CD276: variants seen among roughly 807,000 people sequenced by gnomAD.
CD276 encodes CD276 molecule.
In CD276, 34 loss-of-function variants were observed where a neutral mutation model predicts 50.0. The observed-to-expected ratio is 0.68, with a 90% CI of 0.52 to 0.91. CD276 has a LOEUF of 0.91. CD276 is among the 40% of genes least tolerant of loss of function. The pLI is 0.00. For missense variants in CD276, 634 were observed against 717.5 expected, an observed-to-expected ratio of 0.88 and a Z score of 1.33; for synonymous variants, 275 against 313.0, an observed-to-expected ratio of 0.88 and a Z score of 1.28.
intron 1 of CD276, among the ~76,000 whole-genome samples, chr15:73,696,447 C>T (rs893397303): frequency 3.3e-5 from 5 of 152,178 alleles, no homozygotes; most frequent in Non-Finnish European, 5.9e-5. Context: ...CAGCTGTCAG[C>T]GTAGGGGTCT....
chr15:73,684,675 C>T (rs901158005), intron 1 of CD276: 1 of 152,236 alleles, frequency 6.6e-6, no homozygotes, highest in Non-Finnish European at 1.5e-5. Context: ...CCCCTCCTGC[C>T]CTGGGCTGTG....
intron 8 of CD276, 25 bp from the exon 9 acceptor site, chr15:73,711,110 C>T (rs375896151): frequency 8.7e-6 from 14 of 1,613,704 alleles, no homozygotes; most frequent in African/African-American, 8.0e-5. Flanking sequence ...CCTCCCTCAC[C>T]GTGTGCGCCT....
intron 1 of CD276, among the ~76,000 whole-genome samples, chr15:73,696,932 T>G (rs886539802): frequency 1.3e-5 from 2 of 151,362 alleles, no homozygotes; most frequent in Non-Finnish European, 2.9e-5. Flanking sequence ...GGGTGGGAGA[T>G]GGAAGCTTGA....
chr15:73,708,264 T>G, intron 6 of CD276, 75 bp from the exon 7 acceptor site: 1 of 1,554,352 alleles, frequency 6.4e-7, no homozygotes, highest in Non-Finnish European at 8.8e-7. Flanking sequence ...CTGTTCACAC[T>G]TGGAGCCAAT....
At chr15:73,706,721 A>T (rs1455510479) in intron 6 of CD276, among the ~76,000 whole-genome samples, 1 of 152,202 alleles carries the variant, frequency 6.6e-6, no homozygotes, top group Non-Finnish European at 1.5e-5. Flanking sequence ...TCTCTCCCGT[A>T]CCTGATGAAG....
chr15:73,701,673 A>G (rs1162738061), intron 2 of CD276, among the ~76,000 whole-genome samples: 1 of 152,228 alleles, frequency 6.6e-6, no homozygotes, highest in Non-Finnish European at 1.5e-5. Context: ...TCACCACCAT[A>G]TTTAAAGGTA....
intron 2 of CD276, among the ~76,000 whole-genome samples, chr15:73,699,983 C>A (rs1380813301): frequency 2.0e-5 from 3 of 152,194 alleles, no homozygotes; most frequent in Non-Finnish European, 4.4e-5. Context: ...GACCTTTCCA[C>A]TTGCTCTTTC....
chr15:73,689,188 C>CTG (rs58196751), intron 1 of CD276, among the ~76,000 whole-genome samples: 36,530 of 142,402 alleles, frequency 0.26, 4,944 homozygotes, highest in Non-Finnish European at 0.33. Context: ...TCTGTGCCTC[C>CTG]TGTGTGTGTG....
chr15:73,691,280 T>C (rs564839903), intron 1 of CD276, among the ~76,000 whole-genome samples: 2 of 152,324 alleles, frequency 1.3e-5, no homozygotes, highest in East Asian at 3.9e-4. Context: ...GTGTGCAGCT[T>C]GCTTCAGGAA....
Position 73,709,611 on chromosome 15 carries a change from A to G in CD276, c.1505-37A>G, listed in dbSNP as rs371900951. 57 of 1,610,478 alleles carry G rather than the reference A, an allele frequency of 3.5e-5. No individual in the cohort carries two copies. In the African/African-American group the frequency reaches 7.0e-4, roughly 20 times the overall value. On this transcript the variant is annotated intron_variant, in intron 7 of 9. Coordinates refer to ENST00000318443, the MANE Select transcript of CD276 (RefSeq NM_001024736.2). ...GTGCTGGCATGAAAATGGGCTTGCA[A>G]AAGATTTTTGTTTATTCTGAGTTCT...
rs556508163 is a variant in CD276 at position 73,703,584 on chromosome 15, G to A, written c.734-75G>A. On this transcript the variant is annotated intron_variant, in intron 4 of 9. Transcript: ENST00000318443. ...GGGTCTGGGAATTGATGGGGGAAGA[G>A]TTTGGGGGACTCGGGTGGTAGCCTA... 3.5e-4 allele frequency: 422 copies of A among 1,199,490 alleles called. 3 individuals are homozygous for A. The African/African-American group carries it at 6.0e-3, about 17-fold the overall frequency. 74.3% of individuals were successfully genotyped at this position (1,199,490 alleles called of 1,614,324 possible).
At chr15:73,695,589 TACC>T in intron 1 of CD276, among the ~76,000 whole-genome samples, 1 of 152,192 alleles carries the variant, frequency 6.6e-6, no homozygotes, top group Non-Finnish European at 1.5e-5. Context: ...AGTACGTCCC[TACC>T]AGGAACTCCG....
chr15:73,690,701 A>G, intron 1 of CD276: 1 of 455,988 alleles, frequency 2.2e-6, no homozygotes, highest in Non-Finnish European at 4.4e-6. Context: ...TACAGTGGCA[A>G]TTAAATTTCA....
At chr15:73,686,371 C>T in intron 1 of CD276, 14 of 847,074 alleles carry the variant, frequency 1.7e-5, no homozygotes, top group Non-Finnish European at 2.0e-5. Context: ...CCCTGTTTTC[C>T]TTCCTGTCCC....
At position 73,704,011 on chromosome 15, in the gene CD276, G is replaced by C; in HGVS notation, c.1072+14G>C. ...TGCAGGTGGCCGGTGAGCACCAGGA[G>C]GGCGACGCCTTCCCCTTGGTTCACC... On this transcript the variant is annotated intron_variant, in intron 5 of 9. Coordinates refer to ENST00000318443, the MANE Select transcript of CD276 (RefSeq NM_001024736.2). The surrounding 1 kb of genome is among the most constrained non-coding windows in gnomAD (Gnocchi z 4.1). 6.2e-7 allele frequency: 1 copy of C among 1,602,632 alleles called. No individual in the cohort carries two copies.
At chr15:73,703,424 G>A (rs1488706959) in intron 4 of CD276, among the ~76,000 whole-genome samples, 1 of 152,126 alleles carries the variant, frequency 6.6e-6, no homozygotes, top group African/African-American at 2.4e-5. Context: ...CCCCAGGCCT[G>A]GCCCTGGGAT....
At chr15:73,701,921 C>G (rs1332076308) in intron 2 of CD276, among the ~76,000 whole-genome samples, 1 of 152,234 alleles carries the variant, frequency 6.6e-6, no homozygotes, top group African/African-American at 2.4e-5. Context: ...GCTTTACTTA[C>G]TAACCTGCTG....
In CD276 at chr15:73,684,479, C is replaced by G. The variant is rs886151297; in HGVS notation, c.-55+19C>G. 1 of 152,102 alleles carries G rather than the reference C, an allele frequency of 6.6e-6. No homozygotes were observed. Among genetic ancestry groups the G allele is most frequent in the Non-Finnish European group, 1.5e-5 (1 of 68,494 alleles). The allele number at this position is 152,102 out of a possible 1,614,324, so 9.4% of individuals were successfully genotyped here. ...CGGCGCGGTGAGTGCTGGCGTGGCG[C>G]GGGCGGCGCGGGGTGGGGCGGCCTT... On this transcript the variant is annotated intron_variant, in intron 1 of 9. Transcript: ENST00000318443.
chr15:73,706,395 G>T (rs921872223), intron 6 of CD276, among the ~76,000 whole-genome samples: 1 of 152,200 alleles, frequency 6.6e-6, no homozygotes, highest in Non-Finnish European at 1.5e-5. Context: ...ATCTTTGGGG[G>T]TCAGACCCTT....
Sources: gnomAD v4.1 joint callset for allele counts (sites outside exome capture counted in the v4.1 genomes callset) on GRCh38, gnomAD v4.1.1 for gene constraint, Gnocchi (gnomAD v3.1) non-coding constraint, MANE v1.5 for transcripts, NCBI Gene and HGNC (gene_info 2026-07-23, HGNC 2026-07-21) for gene names.